The following CNTN4 variants were observed in gnomAD, a reference collection of about 807,000 sequenced individuals.
CNTN4 encodes contactin 4.
Under a neutral mutation model 122.5 loss-of-function variants are expected in CNTN4, and 77 were observed. The observed-to-expected ratio is 0.63, with a 90% CI of 0.52 to 0.76. The LOEUF is 0.76. Ranked by LOEUF, CNTN4 falls within the 30% of genes least tolerant of loss-of-function variation. The pLI, the probability that CNTN4 is intolerant of heterozygous loss-of-function variation, is 0.00. For missense variants in CNTN4, 1,256 were observed against 1,259.1 expected (o/e 1.00, Z 0.04); for synonymous variants, 512 against 447.0 (o/e 1.15, Z -1.83).
chr3:2,908,574 G>A (rs1436602122), intron 12 of CNTN4, among the ~76,000 whole-genome samples: 4 of 152,124 alleles, frequency 2.6e-5, no homozygotes, highest in African/African-American at 7.2e-5. Context: ...AACATAAACT[G>A]TACCTCAGAC....
intron 4 of CNTN4, among the ~76,000 whole-genome samples, chr3:2,590,585 A>T (rs1264375144): frequency 6.6e-6 from 1 of 152,038 alleles, no homozygotes; most frequent in Non-Finnish European, 1.5e-5. Flanking sequence ...ATAATGTCTT[A>T]CATGAGTTGG....
intron 2 of CNTN4, among the ~76,000 whole-genome samples, chr3:2,213,267 C>T (rs778599173): frequency 1.1e-4 from 16 of 152,130 alleles, no homozygotes; most frequent in African/African-American, 1.9e-4. Context: ...TTCAACACTA[C>T]GGAGAATCTG....
At chr3:2,522,496 C>T (rs577640170) in intron 3 of CNTN4, among the ~76,000 whole-genome samples, 3 of 152,174 alleles carry the variant, frequency 2.0e-5, no homozygotes, top group South Asian at 4.2e-4. Context: ...ATTAATTTCA[C>T]AATACAGTAT....
intron 2 of CNTN4, among the ~76,000 whole-genome samples, chr3:2,300,163 T>C (rs1404037036): frequency 6.6e-6 from 1 of 152,180 alleles, no homozygotes; most frequent in Non-Finnish European, 1.5e-5. Context: ...TTATTTTATA[T>C]TACTGAGACA....
intron 2 of CNTN4, among the ~76,000 whole-genome samples, chr3:2,279,967 A>G (rs9829528): frequency 0.027 from 3,970 of 147,464 alleles, 184 homozygotes; most frequent in African/African-American, 0.093. Context: ...TAGCTCTTAT[A>G]TATAGAGAGA....
chr3:2,507,667 G>T (rs541504640), intron 3 of CNTN4, among the ~76,000 whole-genome samples: 1 of 150,790 alleles, frequency 6.6e-6, no homozygotes, highest in Non-Finnish European at 1.5e-5. Context: ...CCCAGGAGGC[G>T]GAGGTTGCAG....
At chr3:2,214,242 A>G (rs2038740030) in intron 2 of CNTN4, among the ~76,000 whole-genome samples, 1 of 152,130 alleles carries the variant, frequency 6.6e-6, no homozygotes. Flanking sequence ...GGGGATACAC[A>G]CTTCAATTGA....
At chr3:2,303,609 A>T (rs999567823) in intron 2 of CNTN4, among the ~76,000 whole-genome samples, 1 of 152,212 alleles carries the variant, frequency 6.6e-6, no homozygotes, top group South Asian at 2.1e-4. Context: ...ATATTAATCA[A>T]TGCTCATTTG....
intron 2 of CNTN4, among the ~76,000 whole-genome samples, chr3:2,266,520 C>T (rs984675164): frequency 6.6e-6 from 1 of 151,948 alleles, no homozygotes; most frequent in Non-Finnish European, 1.5e-5. Context: ...CTCCCCCCAA[C>T]AAGATGGAGA....
At chr3:2,536,043 T>C (rs2077790770) in intron 3 of CNTN4, among the ~76,000 whole-genome samples, 1 of 152,136 alleles carries the variant, frequency 6.6e-6, no homozygotes, top group Non-Finnish European at 1.5e-5. Context: ...CAAAGAAAAG[T>C]AGTAGACGGA....
intron 7 of CNTN4, among the ~76,000 whole-genome samples, chr3:2,833,051 T>A (rs1358269174): frequency 6.6e-6 from 1 of 152,014 alleles, no homozygotes; most frequent in Non-Finnish European, 1.5e-5. Context: ...GGAGGGGAAA[T>A]GTCAGACATT....
intron 3 of CNTN4, among the ~76,000 whole-genome samples, chr3:2,521,358 G>T (rs1046403834): frequency 5.0e-5 from 1 of 19,882 alleles, no homozygotes; most frequent in Admixed American, 4.8e-4. Flanking sequence ...CCCACCCCCC[G>T]CAATAAGTCA....
intron 3 of CNTN4, among the ~76,000 whole-genome samples, chr3:2,365,009 C>G (rs948365199): frequency 6.6e-6 from 1 of 152,058 alleles, no homozygotes. Flanking sequence ...CAATACAATA[C>G]TTGATATTTC....
intron 3 of CNTN4, among the ~76,000 whole-genome samples, chr3:2,497,477 A>G (rs2076482941): frequency 6.6e-6 from 1 of 152,200 alleles, no homozygotes; most frequent in Admixed American, 6.5e-5. Context: ...GACTTGTATA[A>G]TGAACCATTT....
intron 7 of CNTN4, among the ~76,000 whole-genome samples, chr3:2,862,975 G>A (rs937027321): frequency 1.3e-5 from 2 of 152,182 alleles, no homozygotes; most frequent in Admixed American, 6.5e-5. Flanking sequence ...AAGCTAGAAC[G>A]AGTAGGTTAT....
chr3:2,312,949 G>GA (rs1408305724), intron 2 of CNTN4, among the ~76,000 whole-genome samples: 1 of 151,972 alleles, frequency 6.6e-6, no homozygotes, highest in Non-Finnish European at 1.5e-5. Context: ...AACACTGTGT[G>GA]AAAATCTGTG....
intron 3 of CNTN4, among the ~76,000 whole-genome samples, chr3:2,432,701 T>G (rs62233805): frequency 0.24 from 36,210 of 152,104 alleles, 5,563 homozygotes; most frequent in Non-Finnish European, 0.36. Context: ...TACCACATTT[T>G]CTTTATCCAT....
intron 8 of CNTN4, among the ~76,000 whole-genome samples, chr3:2,873,053 A>T (rs1307703483): frequency 6.6e-6 from 1 of 152,172 alleles, no homozygotes; most frequent in Non-Finnish European, 1.5e-5. Context: ...TGACCTCAGC[A>T]TCCTTCAGTT....
At chr3:2,777,044 A>C (rs6442756) in intron 6 of CNTN4, among the ~76,000 whole-genome samples, 4 of 152,090 alleles carry the variant, frequency 2.6e-5, no homozygotes, top group African/African-American at 4.8e-5. Flanking sequence ...GCAGTGGCTC[A>C]ATCTTGGTTC....
Sources: gnomAD v4.1 joint callset for allele counts (sites outside exome capture counted in the v4.1 genomes callset) on GRCh38, gnomAD v4.1.1 for gene constraint, MANE v1.5 for transcripts, NCBI Gene and HGNC (gene_info 2026-07-23, HGNC 2026-07-21) for gene names.